Variants in CENPU observed in about 807,000 individuals in gnomAD.
CENPU encodes the protein centromere protein U, also known as KSHV latent nuclear antigen interacting protein 1.
In CENPU, 46 loss-of-function variants were observed where a neutral mutation model predicts 56.7. The observed-to-expected ratio is 0.81, with a 90% CI of 0.64 to 1.04. CENPU has a LOEUF of 1.04. Among genes scored for constraint, CENPU ranks in the 50% least tolerant of loss-of-function variants. The pLI is 0.00. For missense variants in CENPU, 510 were observed against 490.1 expected (o/e 1.04, Z -0.38); for synonymous variants, 166 against 163.0 (o/e 1.02, Z -0.14).
At chr4:184,733,640 CCAGT>C (rs753843718) in intron 1 of CENPU, among the ~76,000 whole-genome samples, 1 of 152,212 alleles carries the variant, frequency 6.6e-6, no homozygotes, top group Non-Finnish European at 1.5e-5. Context: ...AAACTGATTC[CCAGT>C]CAGAGAATAA....
chr4:184,697,277 C>A (rs185355340), intron 12 of CENPU, among the ~76,000 whole-genome samples: 11 of 152,260 alleles, frequency 7.2e-5, no homozygotes, highest in Admixed American at 7.2e-4. Flanking sequence ...CTAGACCAAA[C>A]AGAAGAGGCT....
At chr4:184,696,371 A>G (rs7681824) in intron 12 of CENPU, among the ~76,000 whole-genome samples, 26,158 of 152,036 alleles carry the variant, frequency 0.17, 2,447 homozygotes, top group African/African-American at 0.24. Context: ...CATTGAGCTC[A>G]CTCTAAGAAC....
intron 1 of CENPU, among the ~76,000 whole-genome samples, chr4:184,732,064 T>C (rs1010625859): frequency 4.2e-4 from 64 of 152,276 alleles, no homozygotes; most frequent in African/African-American, 1.4e-3. Flanking sequence ...TCACATCAAT[T>C]GTCCTATAAT....
chr4:184,721,533 C>A (rs1180564999), intron 4 of CENPU, among the ~76,000 whole-genome samples: 1 of 145,396 alleles, frequency 6.9e-6, no homozygotes, highest in Non-Finnish European at 1.5e-5. Flanking sequence ...AAGATACACA[C>A]AGACTGAAAA....
At chr4:184,718,005 G>T (rs1028348863) in intron 4 of CENPU, among the ~76,000 whole-genome samples, 1 of 152,172 alleles carries the variant, frequency 6.6e-6, no homozygotes, top group African/African-American at 2.4e-5. Context: ...AGAAAATAAC[G>T]AACGCTAGGG....
At chr4:184,721,562 T>C (rs1317967990) in intron 4 of CENPU, among the ~76,000 whole-genome samples, 3 of 149,336 alleles carry the variant, frequency 2.0e-5, no homozygotes, top group Non-Finnish European at 4.4e-5. Context: ...TGGAAAAAGA[T>C]ATTCCATTGT....
rs35343168 is a variant in CENPU, at chr4:184,694,413, G to GTATCTATC, written c.*874_*875insGATAGATA. ...GCATTCCTCCTGCATATTCACTTTA[G>GTATCTATC]TATCTGTCACTTAATACCTTACTTC... On this transcript the variant is annotated 3_prime_UTR_variant, in exon 13 of 13. Transcript: ENST00000281453. 2.6e-5 allele frequency: 38 copies of GTATCTATC among 1,449,618 alleles called. No individual in the cohort carries two copies. The East Asian group carries it at 5.5e-4, about 21-fold the overall frequency. The allele number at this position is 1,449,618 out of a possible 1,614,324, so 89.8% of individuals were successfully genotyped here. A position where few individuals can be genotyped will look rare whatever the true frequency, so the allele number is the denominator to read the frequency against.
chr4:184,709,588 G>A (rs1255177459), intron 8 of CENPU, among the ~76,000 whole-genome samples: 1 of 152,084 alleles, frequency 6.6e-6, no homozygotes, highest in Non-Finnish European at 1.5e-5. Flanking sequence ...GGAATAGAGT[G>A]GGTGACCAAC....
chr4:184,710,941 G>A (rs370784941), intron 7 of CENPU, among the ~76,000 whole-genome samples: 5 of 151,956 alleles, frequency 3.3e-5, no homozygotes, highest in South Asian at 4.1e-4. Flanking sequence ...TTACAGCCTC[G>A]AAGTCCTAGG....
At chr4:184,733,892 T>C (rs1409887696) in intron 1 of CENPU, 124 bp downstream of exon 1, 30 of 1,304,838 alleles carry the variant, frequency 2.3e-5, no homozygotes, top group Non-Finnish European at 2.9e-5. Context: ...ACCCGGGCGA[T>C]TGGCCACTCG....
chr4:184,710,679 G>A (rs1297909599), intron 7 of CENPU, among the ~76,000 whole-genome samples: 1 of 152,006 alleles, frequency 6.6e-6, no homozygotes, highest in Admixed American at 6.6e-5. Flanking sequence ...AAGATCTCAG[G>A]CAAGCCATTT....
At position 184,697,716 on chromosome 4, in the gene CENPU, T is replaced by C; in HGVS notation, c.1074A>G (p.Leu358=). 6.2e-7 allele frequency: 1 copy of C among 1,612,586 alleles called. No homozygotes were observed. Among genetic ancestry groups the C allele is most frequent in the Non-Finnish European group, 8.5e-7 (1 of 1,178,912 alleles). ...KSSLRNAAYF[L]SNLKQLYQDY... is the part of the protein sequence containing the mutation. The stretch of plus-strand genomic sequence containing the variant: ...CTTGATAAAGCTGTTTTAAATTAGA[T>C]AAGAAATATGCTGCATTCCTAAGGG... The change falls in exon 12 of 13, where the codon TTA becomes TTG. Residue 358 remains leucine (L), a synonymous_variant. Coordinates refer to ENST00000281453, the MANE Select transcript of CENPU (RefSeq NM_024629.4).
chr4:184,717,770 C>T (rs1761140987), intron 4 of CENPU, among the ~76,000 whole-genome samples: 1 of 152,162 alleles, frequency 6.6e-6, no homozygotes, highest in Admixed American at 6.5e-5. Flanking sequence ...ACCTGGCAAG[C>T]ATCTGACAGA....
rs551479867 is a variant in CENPU, at chr4:184,700,821, G to T, written c.985C>A (p.Arg329=). 6.2e-7 allele frequency: 1 copy of T among 1,613,050 alleles called. No homozygotes were observed. The highest frequency in any genetic ancestry group is 8.5e-7 in the Non-Finnish European group (1 of 1,179,018). The change falls in exon 11 of 13, where the codon CGG becomes AGG. Residue 329 remains arginine, a splice_region_variant and synonymous_variant. Transcript: ENST00000281453. ...RMIEVQDELL[R]LEPQLKQLQT... ...AAACAGGATTTGACAGTATCTTACCGAAGCAGTTCATCCTGGACTTCAATC... is the reference window on the plus strand; with the variant it reads ...AAACAGGATTTGACAGTATCTTACCTAAGCAGTTCATCCTGGACTTCAATC...
At chr4:184,698,607 G>A (rs61004420) in intron 11 of CENPU, among the ~76,000 whole-genome samples, 7,940 of 152,014 alleles carry the variant, frequency 0.052, 618 homozygotes, top group African/African-American at 0.17. Context: ...CCCACACCAC[G>A]CCCGGCTAAG....
At position 184,717,258 on chromosome 4, in the gene CENPU, CT is replaced by C; in HGVS notation, c.321-63del. On this transcript the variant is annotated intron_variant, in intron 4 of 12. Transcript: ENST00000281453. ...TTCCATTTATATTCACATGTCTTCT[CT>C]AACTTGCTCATTCAACATGAAAACA... 13 of 1,216,434 alleles carry C rather than the reference CT, an allele frequency of 1.1e-5. No homozygotes were observed. In the South Asian group the frequency reaches 1.5e-4, roughly 14 times the overall value. The allele number at this position is 1,216,434 out of a possible 1,614,324, so 75.4% of individuals were successfully genotyped here.
At chr4:184,710,323 C>T in intron 7 of CENPU, 143 bp from the exon 8 acceptor site, 1 of 529,824 alleles carries the variant, frequency 1.9e-6, no homozygotes, top group South Asian at 3.0e-5. Flanking sequence ...GTGCCGTACT[C>T]ACTTCTTATC....
intron 4 of CENPU, among the ~76,000 whole-genome samples, chr4:184,719,527 T>C (rs780912658): frequency 2.0e-5 from 3 of 152,206 alleles, no homozygotes; most frequent in Admixed American, 6.5e-5. Flanking sequence ...CTTGCCACTA[T>C]GGGCTAAAGT....
At position 184,715,994 on chromosome 4, in the gene CENPU, G is replaced by A. The variant is rs139535123; in HGVS notation, c.618+403C>T. ...GTCACCCAGGCTGGAGTGCAATGGC[G>A]CAATCTCAGCTCACTGCAACCTCTA... is the stretch of plus-strand genomic sequence containing the variant. On this transcript the variant is annotated intron_variant, in intron 6 of 12. Transcript: ENST00000281453. Among the ~76,000 whole-genome samples the A allele has an allele frequency of 4.2e-3, 637 of 150,518 alleles. 7 individuals are homozygous for A. Among genetic ancestry groups the A allele is most frequent in the African/African-American group, 0.015 (594 of 40,922 alleles).
Sources: gnomAD v4.1 joint callset for allele counts (sites outside exome capture counted in the v4.1 genomes callset) on GRCh38, gnomAD v4.1.1 for gene constraint, MANE v1.5 for transcripts, NCBI Gene and HGNC (gene_info 2026-07-23, HGNC 2026-07-21) for gene names.